Variants in DRD2 observed in about 807,000 individuals in gnomAD.
The protein encoded by DRD2 is dopamine receptor D2, also known as D(2) dopamine receptor.
A neutral mutation model predicts 38.0 loss-of-function variants in DRD2; 8 were observed. The observed-to-expected ratio is 0.21, with a 90% CI of 0.12 to 0.38. The LOEUF (loss-of-function observed/expected upper bound fraction) is 0.38. Among genes scored for constraint, DRD2 ranks in the 10% least tolerant of loss-of-function variants. The pLI, the probability that DRD2 is intolerant of heterozygous loss-of-function variation, is 1.00. For synonymous variants in DRD2, 230 were observed against 238.6 expected (o/e 0.96, Z 0.33); for missense variants, 403 against 607.7 (o/e 0.66, Z 3.54).
chr11:113,457,181 C>T (rs917805977), intron 1 of DRD2, among the ~76,000 whole-genome samples: 1 of 152,168 alleles, frequency 6.6e-6, no homozygotes, highest in Non-Finnish European at 1.5e-5. Flanking sequence ...TGCCGCTTCC[C>T]TAGAGGAGTC....
chr11:113,444,829 A>G (rs1017647676), intron 1 of DRD2, among the ~76,000 whole-genome samples: 8 of 152,246 alleles, frequency 5.3e-5, no homozygotes, highest in African/African-American at 1.7e-4. Flanking sequence ...GGGCTCTGAT[A>G]TGAGCACAAG....
intron 1 of DRD2, among the ~76,000 whole-genome samples, chr11:113,445,550 A>G (rs1359169983): frequency 6.6e-6 from 1 of 152,188 alleles, no homozygotes; most frequent in Non-Finnish European, 1.5e-5. Flanking sequence ...GGATGCAGAA[A>G]CTTTTTCCAG....
intron 1 of DRD2, among the ~76,000 whole-genome samples, chr11:113,448,336 C>T (rs1951173644): frequency 6.6e-6 from 1 of 152,156 alleles, no homozygotes; most frequent in African/African-American, 2.4e-5. Flanking sequence ...AACTGTGATT[C>T]CAGCATCCCA....
chr11:113,467,073 G>A (rs940105996), intron 1 of DRD2, among the ~76,000 whole-genome samples: 24 of 152,090 alleles, frequency 1.6e-4, no homozygotes, highest in African/African-American at 5.8e-4. Flanking sequence ...AGGCGGTGCT[G>A]ACATCCTCTG....
chr11:113,472,502 T>C (rs1258593309), intron 1 of DRD2, among the ~76,000 whole-genome samples: 1 of 152,234 alleles, frequency 6.6e-6, no homozygotes, highest in African/African-American at 2.4e-5. Flanking sequence ...AATTGCATTT[T>C]CTAGACAGAA....
At chr11:113,422,196 G>A (rs1466392484) in intron 2 of DRD2, among the ~76,000 whole-genome samples, 2 of 152,314 alleles carry the variant, frequency 1.3e-5, no homozygotes, top group East Asian at 3.9e-4. Flanking sequence ...TCCCAAGGGG[G>A]CGGTGAATAG....
At chr11:113,465,655 T>G (rs1441774061) in intron 1 of DRD2, among the ~76,000 whole-genome samples, 1 of 152,206 alleles carries the variant, frequency 6.6e-6, no homozygotes, top group African/African-American at 2.4e-5. Flanking sequence ...AACTCCATGG[T>G]CTAACCTGAG....
At chr11:113,418,825 C>A (rs1053774833) in intron 2 of DRD2, among the ~76,000 whole-genome samples, 9 of 152,310 alleles carry the variant, frequency 5.9e-5, no homozygotes, top group African/African-American at 1.9e-4. Context: ...CCTGTGGGAG[C>A]CCCAACAGGG....
chr11:113,454,397 G>C (rs1951247138), intron 1 of DRD2, among the ~76,000 whole-genome samples: 1 of 151,934 alleles, frequency 6.6e-6, no homozygotes, highest in African/African-American at 2.4e-5. Context: ...TATGAATTAG[G>C]ATTCAGAGAG....
intron 1 of DRD2, among the ~76,000 whole-genome samples, chr11:113,426,570 G>A (rs1430597175): frequency 6.6e-6 from 1 of 152,138 alleles, no homozygotes; most frequent in Non-Finnish European, 1.5e-5. Flanking sequence ...TCAATGAACA[G>A]GGCACACCTC....
intron 1 of DRD2, among the ~76,000 whole-genome samples, chr11:113,425,606 G>C (rs1411046798): frequency 6.6e-6 from 1 of 152,182 alleles, no homozygotes; most frequent in Non-Finnish European, 1.5e-5. Flanking sequence ...CGGAGAGGAG[G>C]GGCCCAGAGT....
intron 1 of DRD2, among the ~76,000 whole-genome samples, chr11:113,470,264 G>A (rs1291768191): frequency 1.3e-5 from 2 of 152,228 alleles, no homozygotes; most frequent in Non-Finnish European, 2.9e-5. Flanking sequence ...GAAATGAGAA[G>A]GGCAGGCACG....
At chr11:113,422,866 A>G (rs1950899114) in intron 2 of DRD2, among the ~76,000 whole-genome samples, 1 of 152,100 alleles carries the variant, frequency 6.6e-6, no homozygotes, top group Admixed American at 6.5e-5. Flanking sequence ...TAAACCTACA[A>G]AGCTTTCTCA....
At chr11:113,419,446 G>GCA (rs3060174) in intron 2 of DRD2, among the ~76,000 whole-genome samples, 26,751 of 132,846 alleles carry the variant, frequency 0.2, 3,524 homozygotes, top group East Asian at 0.47. Flanking sequence ...ATGCACACAG[G>GCA]CACACACACA....
chr11:113,422,893 C>A (rs1190482668), intron 2 of DRD2, among the ~76,000 whole-genome samples: 1 of 152,198 alleles, frequency 6.6e-6, no homozygotes. Flanking sequence ...TTCAACAACC[C>A]CTTCCCTCTC....
intron 1 of DRD2, among the ~76,000 whole-genome samples, chr11:113,460,318 A>C (rs1341078223): frequency 6.6e-6 from 1 of 152,246 alleles, no homozygotes; most frequent in Non-Finnish European, 1.5e-5. Flanking sequence ...CTGATGGAAC[A>C]GGGACTGGGC....
chr11:113,429,557 T>A (rs1028272414), intron 1 of DRD2, among the ~76,000 whole-genome samples: 1 of 152,212 alleles, frequency 6.6e-6, no homozygotes, highest in Non-Finnish European at 1.5e-5. Flanking sequence ...TACAGGGCTA[T>A]CTTTTAACAC....
chr11:113,444,469 G>C (rs1234620431), intron 1 of DRD2, among the ~76,000 whole-genome samples: 1 of 152,212 alleles, frequency 6.6e-6, no homozygotes, highest in African/African-American at 2.4e-5. Context: ...AAGAACTTTT[G>C]AAATCAGTCA....
Position 113,418,020 on chromosome 11 carries a change from G to GCCA in DRD2, c.395+6_395+7insTGG. The stretch of plus-strand genomic sequence containing the variant: ...AGAGCAACCTCTTCCACCCTGGCTG[G>GCCA]GCTCACCTGTCGATGCTGATGGCAC... On this transcript the variant is annotated splice_region_variant and intron_variant, in intron 3 of 7. Coordinates refer to ENST00000362072, the MANE Select transcript of DRD2 (RefSeq NM_000795.4). 1.9e-6 allele frequency: 3 copies of GCCA among 1,613,354 alleles called. No homozygotes were observed.
Sources: allele counts gnomAD v4.1 joint callset (sites outside exome capture counted in the v4.1 genomes callset), GRCh38; gene constraint gnomAD v4.1.1; transcripts MANE v1.5; gene names NCBI Gene and HGNC (gene_info 2026-07-23, HGNC 2026-07-21).